TSACC: variants seen among roughly 807,000 people sequenced by gnomAD.
TSACC encodes the protein TSSK6-activating co-chaperone protein.
In TSACC, 3 loss-of-function variants were observed where a neutral mutation model predicts 6.9. The ratio of observed to expected loss-of-function variants is 0.43; its 90% CI spans 0.20 to 1.12. The LOEUF (loss-of-function observed/expected upper bound fraction) is 1.12. Ranked by LOEUF, TSACC falls within the 50% of genes most tolerant of loss-of-function variation. TSACC has a pLI of 0.28. For missense variants in TSACC, 137 were observed against 143.9 expected, an observed-to-expected ratio of 0.95 and a Z score of 0.24; for synonymous variants, 54 against 55.1, an observed-to-expected ratio of 0.98 and a Z score of 0.09.
In TSACC at chr1:156,346,218, G is replaced by GA. The variant is rs1053340502; in HGVS notation, c.164-542dup. Among the ~76,000 whole-genome samples, 5 of 146,752 alleles carry GA rather than the reference G, an allele frequency of 3.4e-5. 1 individual carries two copies. The highest frequency in any genetic ancestry group is 2.2e-4 in the South Asian group (1 of 4,574). Reference sequence around the variant, plus strand: ...CAAAAAAAAAAAAAAAAAAGAAAAAGAAAAAAAACAATGGACCAATGTAGC... The same window carrying GA: ...CAAAAAAAAAAAAAAAAAAGAAAAAGAAAAAAAAACAATGGACCAATGTAGC... On this transcript the variant is annotated intron_variant, in intron 3 of 3. Transcript: ENST00000368254.
At chr1:156,346,675 G>A in intron 3 of TSACC, 93 bp from the exon 4 acceptor site, 4 of 1,245,958 alleles carry the variant, frequency 3.2e-6, no homozygotes, top group South Asian at 2.7e-5. Flanking sequence ...AAAGATTGGA[G>A]AGGTCATTTT....
chr1:156,339,682 G>A lies in TSACC; in HGVS notation c.-76G>A. 6.3e-7 allele frequency: 1 copy of A among 1,587,212 alleles called. No homozygotes were observed. The highest frequency in any genetic ancestry group is 8.6e-7 in the Non-Finnish European group (1 of 1,158,288). ...GGAGACAACTTAGGAAATTATCATA[G>A]TGAAAATACTAACATGGATTGTTGA... On this transcript the variant is annotated 5_prime_UTR_variant, in exon 2 of 4. The change creates a new upstream start codon in the 5' untranslated region. Coordinates refer to ENST00000368254, the MANE Select transcript of TSACC (RefSeq NM_001304817.2).
Position 156,338,584 on chromosome 1 carries a change from C to T in TSACC, c.-146C>T, listed in dbSNP as rs768474904. On this transcript the variant is annotated 5_prime_UTR_variant, in exon 1 of 4. Transcript: ENST00000368254. ...ACTCTAGGGTTGGGTGCTGGGGTTG[C>T]GGCTTTCGGTTAACACCGCAGGTGA... 4.0e-4 allele frequency: 114 copies of T among 282,778 alleles called. No individual in the cohort carries two copies. The highest frequency in any genetic ancestry group is 6.7e-4 in the Non-Finnish European group (98 of 146,312). The allele number at this position is 282,778 out of a possible 1,614,324, so 17.5% of individuals were successfully genotyped here.
intron 2 of TSACC, among the ~76,000 whole-genome samples, chr1:156,341,098 T>C (rs1665858772): frequency 6.6e-6 from 1 of 152,216 alleles, no homozygotes; most frequent in Non-Finnish European, 1.5e-5. Context: ...ATTACAGGCG[T>C]GAGCCATCGC....
At position 156,346,942 on chromosome 1, in the gene TSACC, C is replaced by T. The variant is rs759662594; in HGVS notation, c.338C>T (p.Pro113Leu). The T allele has an allele frequency of 1.2e-6, 2 of 1,614,202 alleles. No homozygotes were observed. The highest frequency in any genetic ancestry group is 1.7e-6 in the Non-Finnish European group (2 of 1,180,034). ...SNNSSLPALSPNPLLNHLPQF... is the reference protein window; with the variant it reads ...SNNSSLPALSLNPLLNHLPQF... ...AACTCTTCTCTCCCAGCCTTATCTC[C>T]TAATCCATTGTTAAATCACCTGCCC... is the stretch of plus-strand genomic sequence containing the variant. The change falls in exon 4 of 4, where the codon CCT becomes CTT. Residue 113 changes from proline to leucine, a missense_variant. By Grantham distance (98) the Pro-to-Leu change is moderately conservative. Coordinates refer to ENST00000368254, the MANE Select transcript of TSACC (RefSeq NM_001304817.2).
At chr1:156,338,272 C>G (rs1665550678), upstream of TSACC, 2 of 1,381,776 alleles carry the variant, frequency 1.4e-6, no homozygotes, top group Non-Finnish European at 2.0e-6. Context: ...GCCCAGAAAA[C>G]GCTGCCTCCT....
Position 156,338,547 on chromosome 1 carries a change from G to C in TSACC, c.-183G>C. The stretch of plus-strand genomic sequence containing the variant: ...TGGCAGTTGGCCAGCACACCACTAC[G>C]CATGTGTGTCAACTCTAGGGTTGGG... On this transcript the variant is annotated 5_prime_UTR_variant, in exon 1 of 4. Transcript: ENST00000368254. 1 of 416,332 alleles carries C rather than the reference G, an allele frequency of 2.4e-6. No homozygotes were observed. Among genetic ancestry groups the C allele is most frequent in the Middle Eastern group, 7.0e-4 (1 of 1,432 alleles). 25.8% of individuals were successfully genotyped at this position (416,332 alleles called of 1,614,324 possible).
Position 156,346,779 on chromosome 1 carries a change from C to G in TSACC, c.175C>G (p.Pro59Ala), listed in dbSNP as rs745316310. ...TTTTCCTTCTGGAGTTGATCACAAG[C>G]CCAAGGAATGCCTAGGACTCCTGGA... Reference protein sequence around the residue: ...TTKLPSVDHKPKECLGLLECM... With the variant: ...TTKLPSVDHKAKECLGLLECM... Residue 59 changes from proline (P) to alanine (A), a missense_variant, in exon 4 of 4, where the codon CCC becomes GCC. By Grantham distance (27) the Pro-to-Ala change is conservative (BLOSUM62 -1). Coordinates refer to ENST00000368254, the MANE Select transcript of TSACC (RefSeq NM_001304817.2). 7 of 1,614,072 alleles carry G rather than the reference C, an allele frequency of 4.3e-6. 1 individual carries two copies. The Middle Eastern group carries it at 4.9e-4, about 114-fold the overall frequency.
upstream of TSACC, chr1:156,338,282 T>C: frequency 8.1e-7 from 1 of 1,238,978 alleles, no homozygotes; most frequent in Non-Finnish European, 1.2e-6. Flanking sequence ...CGCTGCCTCC[T>C]CAGGGCTTAC....
At chr1:156,345,145 G>A (rs1666097122) in intron 3 of TSACC, among the ~76,000 whole-genome samples, 1 of 152,156 alleles carries the variant, frequency 6.6e-6, no homozygotes, top group Non-Finnish European at 1.5e-5. Context: ...AACCCAACAG[G>A]GCACTAACTA....
chr1:156,346,882 C>G lies in TSACC; in HGVS notation c.278C>G (p.Ser93Cys), dbSNP rs779509733. ...GCTGTTTTGGAACATTTACAGGCAT[C>G]TGTGACACAACTGGCTCCTGGGAGG... ...QMAVLEHLQASVTQLAPGRGS... is the reference protein window; with the variant it reads ...QMAVLEHLQACVTQLAPGRGS... The change falls in exon 4 of 4, where the codon TCT becomes TGT. Residue 93 changes from serine (S) to cysteine (C), a missense_variant. Physicochemically the swap from Ser to Cys is moderately radical, Grantham distance 112 (BLOSUM62 -1). Transcript: ENST00000368254. 1 of 1,614,204 alleles carries G rather than the reference C, an allele frequency of 6.2e-7. No homozygotes were observed. The highest frequency in any genetic ancestry group is 1.1e-5 in the South Asian group (1 of 91,086).
chr1:156,343,207 A>G lies in TSACC; in HGVS notation c.35-1373A>G, dbSNP rs58202429. Among the ~76,000 whole-genome samples, 1,459 of 152,306 alleles carry G rather than the reference A, an allele frequency of 9.6e-3. 23 individuals carry two copies. The highest frequency in any genetic ancestry group is 0.034 in the African/African-American group (1,398 of 41,552). On this transcript the variant is annotated intron_variant, in intron 2 of 3. Coordinates refer to ENST00000368254, the MANE Select transcript of TSACC (RefSeq NM_001304817.2). ...CTCTCACCTCAGATTCAATATGTCC[A>G]GATGTGATTATGTTAATATGAGAGT...
chr1:156,338,824 C>G, intron 1 of TSACC: 1 of 154,048 alleles, frequency 6.5e-6, no homozygotes, highest in South Asian at 1.9e-4. Flanking sequence ...TTTTTCCGGG[C>G]ACACTGGGAG....
chr1:156,339,887 G>A, intron 2 of TSACC, 96 bp downstream of exon 2: 1 of 1,324,490 alleles, frequency 7.6e-7, no homozygotes, highest in Non-Finnish European at 1.1e-6. Context: ...CCAGCACCTA[G>A]AACTGGATCT....
At chr1:156,344,226 A>G (rs1300258854) in intron 2 of TSACC, among the ~76,000 whole-genome samples, 2 of 152,102 alleles carry the variant, frequency 1.3e-5, no homozygotes, top group Non-Finnish European at 2.9e-5. Flanking sequence ...TTATGTCCTC[A>G]TGTTGTTAGA....
upstream of TSACC, chr1:156,338,332 C>T: frequency 1.4e-6 from 1 of 732,574 alleles, no homozygotes; most frequent in Non-Finnish European, 2.3e-6. Context: ...CCAATCACCG[C>T]ACCCATCTCA....
At position 156,346,852 on chromosome 1, in the gene TSACC, A is replaced by T; in HGVS notation, c.248A>T (p.Gln83Leu). 2 of 1,614,218 alleles carry T rather than the reference A, an allele frequency of 1.2e-6. No individual in the cohort carries two copies. The highest frequency in any genetic ancestry group is 1.7e-6 in the Non-Finnish European group (2 of 1,180,034). ...CTTCAGACCCAGCTCGCCCAACAAC[A>T]GATGGCTGTTTTGGAACATTTACAG... ...LQLQTQLAQQQMAVLEHLQAS... is the reference protein window; with the variant it reads ...LQLQTQLAQQLMAVLEHLQAS... The change falls in exon 4 of 4, where the codon CAG (glutamine) becomes CTG (leucine). Residue 83 changes from glutamine (Q) to leucine (L), a missense_variant. Physicochemically the swap from Gln to Leu is moderately radical, Grantham distance 113 (BLOSUM62 -2). Transcript: ENST00000368254.
rs919956688 is a variant in TSACC at position 156,339,705 on chromosome 1, T to C, written c.-53T>C. 3.0e-5 allele frequency: 49 copies of C among 1,609,620 alleles called. No individual in the cohort carries two copies. The highest frequency in any genetic ancestry group is 4.0e-5 in the Non-Finnish European group (47 of 1,176,546). ...TAGTGAAAATACTAACATGGATTGT[T>C]GATCATCTGATGCTATGATTCTTTC... On this transcript the variant is annotated 5_prime_UTR_variant, in exon 2 of 4. The change abolishes the stop of an existing upstream ORF in the 5' untranslated region. Coordinates refer to ENST00000368254, the MANE Select transcript of TSACC (RefSeq NM_001304817.2).
intron 2 of TSACC, among the ~76,000 whole-genome samples, chr1:156,343,624 A>G (rs1666012763): frequency 1.3e-5 from 2 of 152,160 alleles, no homozygotes; most frequent in South Asian, 2.1e-4. Flanking sequence ...ACAGTTGCCA[A>G]GGGGGATGGG....
Sources: gnomAD v4.1 joint callset for allele counts (sites outside exome capture counted in the v4.1 genomes callset) on GRCh38, gnomAD v4.1.1 for gene constraint, MANE v1.5 for transcripts, NCBI Gene and HGNC (gene_info 2026-07-23, HGNC 2026-07-21) for gene names.